PLCG2: variants seen among roughly 807,000 people sequenced by gnomAD.
The protein encoded by PLCG2 is 1-phosphatidylinositol 4,5-bisphosphate phosphodiesterase gamma-2.
Under a neutral mutation model 175.6 loss-of-function variants are expected in PLCG2, and 69 were observed. The ratio of observed to expected loss-of-function variants is 0.39; its 90% CI spans 0.32 to 0.48. The LOEUF (loss-of-function observed/expected upper bound fraction) is 0.48, where lower values mean the gene tolerates loss of function less well. PLCG2 is among the 20% of genes least tolerant of loss of function. PLCG2 has a pLI of 0.91. For missense variants in PLCG2, 1,798 were observed against 1,650.9 expected (o/e 1.09, Z -1.54); for synonymous variants, 827 against 624.0 (o/e 1.33, Z -4.85).
At chr16:81,771,565 C>G (rs576916298) in intron 2 of PLCG2, among the ~76,000 whole-genome samples, 1 of 152,106 alleles carries the variant, frequency 6.6e-6, no homozygotes, top group East Asian at 1.9e-4. Flanking sequence ...TAATTCAGCT[C>G]TTGCCATTCT....
intron 26 of PLCG2, 29 bp from the exon 27 acceptor site, chr16:81,936,140 G>T (rs367671782): frequency 6.2e-7 from 1 of 1,612,078 alleles, no homozygotes; most frequent in African/African-American, 1.3e-5. Context: ...AGACACAGAA[G>T]TACTGATGAC....
chr16:81,750,698 C>A (rs989005475), intron 1 of PLCG2, among the ~76,000 whole-genome samples: 4 of 24,416 alleles, frequency 1.6e-4, no homozygotes, highest in African/African-American at 3.7e-4. Context: ...GATAGAGTCT[C>A]CCTCTTTTGC....
chr16:81,949,397 T>C (rs1160338319), intron 31 of PLCG2, among the ~76,000 whole-genome samples: 1 of 152,200 alleles, frequency 6.6e-6, no homozygotes, highest in Non-Finnish European at 1.5e-5. Context: ...ACTAGTTGTG[T>C]ATAAAGGAAA....
In PLCG2 at chr16:81,854,523, A is replaced by G. The variant is rs1307202960; in HGVS notation, c.273A>G (p.Lys91=). Reference sequence around the variant, plus strand: ...AGCGAGCAAAAGCAGTTCGCCAGAAAGAAGACTGCTGCTTCACCATCCTAT... The same window carrying G: ...AGCGAGCAAAAGCAGTTCGCCAGAAGGAAGACTGCTGCTTCACCATCCTAT... ...DFERAKAVRQ[K]EDCCFTILYG... The change falls in exon 3 of 33, where the codon AAA becomes AAG. Residue 91 remains lysine (K), a synonymous_variant. Coordinates refer to ENST00000564138, the MANE Select transcript of PLCG2 (RefSeq NM_002661.5). 1 of 1,614,012 alleles carries G rather than the reference A, an allele frequency of 6.2e-7. No homozygotes were observed. The highest frequency in any genetic ancestry group is 2.2e-5 in the East Asian group (1 of 44,890).
upstream of PLCG2, among the ~76,000 whole-genome samples, chr16:81,778,969 G>C (rs906869702): frequency 1.3e-5 from 2 of 152,122 alleles, no homozygotes; most frequent in Non-Finnish European, 2.9e-5. Context: ...CCGGGAGTGT[G>C]TTAAGTATAC....
At chr16:81,900,111 C>CTT (rs1909082238) in intron 13 of PLCG2, among the ~76,000 whole-genome samples, 1 of 151,910 alleles carries the variant, frequency 6.6e-6, no homozygotes, top group South Asian at 2.1e-4. Flanking sequence ...TGCATGCACA[C>CTT]ATGCAAATTA....
intron 2 of PLCG2, chr16:81,798,741 A>G (rs1187814705): frequency 2.0e-5 from 3 of 152,342 alleles, no homozygotes; most frequent in Non-Finnish European, 2.9e-5. Flanking sequence ...AACTAGCAAA[A>G]TTAGGCAAGG....
In PLCG2 at chr16:81,890,640, G is replaced by C. The variant is rs551063750; in HGVS notation, c.868-832G>C. Reference sequence around the variant, plus strand: ...CTTGCTGGTCAGAATGGTTGCCTTTGACCTTGCATAGGGAAGGAGGGGAGG... The same window carrying C: ...CTTGCTGGTCAGAATGGTTGCCTTTCACCTTGCATAGGGAAGGAGGGGAGG... On this transcript the variant is annotated intron_variant, in intron 10 of 32. Coordinates refer to ENST00000564138, the MANE Select transcript of PLCG2 (RefSeq NM_002661.5). Among the ~76,000 whole-genome samples the C allele has an allele frequency of 5.9e-5, 9 of 152,304 alleles. 1 individual carries two copies. In the South Asian group the frequency reaches 1.7e-3, roughly 28 times the overall value.
chr16:81,874,108 G>A (rs1907653501), intron 7 of PLCG2, among the ~76,000 whole-genome samples: 1 of 152,148 alleles, frequency 6.6e-6, no homozygotes, highest in Non-Finnish European at 1.5e-5. Context: ...GGTTGTACTT[G>A]ATCTAATGGT....
intron 31 of PLCG2, among the ~76,000 whole-genome samples, chr16:81,954,420 T>C (rs1005427866): frequency 2.6e-5 from 4 of 152,218 alleles, no homozygotes; most frequent in African/African-American, 4.8e-5. Context: ...GTAGGTTTGT[T>C]ACATAGGTAT....
intron 2 of PLCG2, among the ~76,000 whole-genome samples, chr16:81,824,139 C>CTCTT (rs918168365): frequency 1.5e-5 from 2 of 133,654 alleles, no homozygotes; most frequent in Non-Finnish European, 3.2e-5. Context: ...CTCTCTTTCT[C>CTCTT]TCTTTCTTTC....
chr16:81,819,739 C>T (rs150563831), intron 2 of PLCG2, among the ~76,000 whole-genome samples: 15 of 152,250 alleles, frequency 9.9e-5, no homozygotes, highest in Admixed American at 3.3e-4. Flanking sequence ...TACCCACCAC[C>T]ATGCCTGGCT....
At position 81,905,528 on chromosome 16, in the gene PLCG2, G is replaced by A. The variant is rs191839304; in HGVS notation, c.1467+21G>A. Reference sequence around the variant, plus strand: ...ACCAGGTGGGCCTTGGTCCCTTCCCGTAGCCACTGCGGCCACGCCCCTTGC... The same window carrying A: ...ACCAGGTGGGCCTTGGTCCCTTCCCATAGCCACTGCGGCCACGCCCCTTGC... On this transcript the variant is annotated intron_variant, in intron 15 of 32. Transcript: ENST00000564138. The A allele has an allele frequency of 2.3e-4, 353 of 1,556,276 alleles. 1 individual carries two copies. The African/African-American group carries it at 3.4e-3, about 15-fold the overall frequency.
At chr16:81,862,957 C>T (rs1258555298) in intron 5 of PLCG2, among the ~76,000 whole-genome samples, 1 of 152,106 alleles carries the variant, frequency 6.6e-6, no homozygotes, top group South Asian at 2.1e-4. Context: ...ATGCAGAAAT[C>T]TTCCCTTCCC....
At chr16:81,851,501 G>T (rs139234505) in intron 2 of PLCG2, among the ~76,000 whole-genome samples, 118 of 152,136 alleles carry the variant, frequency 7.8e-4, no homozygotes, top group African/African-American at 2.8e-3. Context: ...CTTTTCACAT[G>T]GCCTTTTTGT....
rs116245982 is a variant in PLCG2 at position 81,902,035 on chromosome 16, G to T, written c.1362+1255G>T. ...TGGACGCTTGGTCTCAGGCACATCC[G>T]AGTTCCAGCTCAGAGCACGGGAAGT... On this transcript the variant is annotated intron_variant, in intron 14 of 32. Coordinates refer to ENST00000564138, the MANE Select transcript of PLCG2 (RefSeq NM_002661.5). 5.4e-3 allele frequency among the ~76,000 whole-genome samples: 819 copies of T among 152,286 alleles called. 4 individuals carry two copies. Among genetic ancestry groups the T allele is most frequent in the African/African-American group, 0.019 (775 of 41,546 alleles).
intron 10 of PLCG2, among the ~76,000 whole-genome samples, chr16:81,890,278 C>A (rs961864410): frequency 1.3e-5 from 2 of 152,154 alleles, no homozygotes; most frequent in African/African-American, 4.8e-5. Flanking sequence ...CTGGTCTTAC[C>A]TTAGCTTTAC....
chr16:81,873,984 C>CT (rs1907645297), intron 7 of PLCG2, among the ~76,000 whole-genome samples: 1 of 152,092 alleles, frequency 6.6e-6, no homozygotes, highest in Non-Finnish European at 1.5e-5. Flanking sequence ...TACAAAATGT[C>CT]AGAACCCTCT....
intron 2 of PLCG2, among the ~76,000 whole-genome samples, chr16:81,822,761 C>A (rs868294477): frequency 1.7e-4 from 12 of 69,846 alleles, no homozygotes; most frequent in South Asian, 1.5e-3. Context: ...GACTCCATCT[C>A]AAAAAAAAAA....
Sources: gnomAD v4.1 joint callset for allele counts (sites outside exome capture counted in the v4.1 genomes callset) on GRCh38, gnomAD v4.1.1 for gene constraint, MANE v1.5 for transcripts, NCBI Gene and HGNC (gene_info 2026-07-23, HGNC 2026-07-21) for gene names.